The following ZSCAN5A variants were observed in gnomAD, a reference collection of about 807,000 sequenced individuals.
The protein encoded by ZSCAN5A is zinc finger and SCAN domain-containing protein 5A.
In ZSCAN5A, 12 loss-of-function variants were observed where a neutral mutation model predicts 23.7. That is an observed-to-expected ratio of 0.51 (90% CI 0.32 to 0.82). The LOEUF is 0.82. Among genes scored for constraint, ZSCAN5A ranks in the 40% least tolerant of loss-of-function variants. The pLI, the probability that ZSCAN5A is intolerant of heterozygous loss-of-function variation, is 0.03. For synonymous variants in ZSCAN5A, 257 were observed against 239.9 expected (o/e 1.07, Z -0.66); for missense variants, 597 against 617.9 (o/e 0.97, Z 0.36).
chr19:56,268,164 A>T (rs761045456), intron 2 of ZSCAN5A, among the ~76,000 whole-genome samples: 2 of 152,180 alleles, frequency 1.3e-5, no homozygotes, highest in Admixed American at 6.5e-5. Context: ...AGCCCAGGAC[A>T]TGGGTTGTCT....
chr19:56,251,016 G>A (rs1031290681), intron 2 of ZSCAN5A, among the ~76,000 whole-genome samples: 1 of 152,084 alleles, frequency 6.6e-6, no homozygotes. Flanking sequence ...CAGGTGTGGT[G>A]GCATGCACCT....
In ZSCAN5A at chr19:56,230,157, G is replaced by C. The variant is rs555404935; in HGVS notation, c.-127-4984C>G. Among the ~76,000 whole-genome samples the C allele has an allele frequency of 2.2e-3, 328 of 152,146 alleles. 1 individual carries two copies. The highest frequency in any genetic ancestry group is 7.6e-3 in the African/African-American group (317 of 41,490). ...GACAAAGTGTCGCTCTGTCACCCAGGCTCACTGCAACCTCTGCCTCTTGGG... is the reference window on the plus strand; with the variant it reads ...GACAAAGTGTCGCTCTGTCACCCAGCCTCACTGCAACCTCTGCCTCTTGGG... On this transcript the variant is annotated intron_variant, in intron 2 of 5. Transcript: ENST00000683990.
intron 2 of ZSCAN5A, among the ~76,000 whole-genome samples, chr19:56,332,015 T>A (rs1280655183): frequency 6.6e-6 from 1 of 152,198 alleles, no homozygotes; most frequent in Non-Finnish European, 1.5e-5. Context: ...ATTTCTATTT[T>A]TATTGCACTG....
intron 2 of ZSCAN5A, chr19:56,263,684 T>G (rs1315567855): frequency 1.3e-5 from 2 of 152,022 alleles, no homozygotes; most frequent in African/African-American, 2.4e-5. Context: ...CTAAAACATC[T>G]GAAAGAAGGG....
rs957040506 is a variant in ZSCAN5A, at chr19:56,222,131, G to A, written c.935C>T (p.Pro312Leu). Residue 312 changes from proline (P) to leucine (L), a missense_variant, in exon 6 of 6, where the codon CCT becomes CTT. Pro to Leu is a moderately conservative substitution (Grantham distance 98, BLOSUM62 -3). This residue lies in a region of ZSCAN5A where 406 missense variants were observed against 353.2 expected (regional missense o/e 1.15). Coordinates refer to ENST00000683990, the MANE Select transcript of ZSCAN5A (RefSeq NM_001322064.3). ...GCCCACAGGTGTGGCTTCTCCTTGA[G>A]GCTCTTCTTGGGAAATGGAGGAGGC... Reference protein sequence around the residue: ...PDASSISQEEPQGEATPVGNR... With the variant: ...PDASSISQEELQGEATPVGNR... 1 of 1,614,090 alleles carries A rather than the reference G, an allele frequency of 6.2e-7. No individual in the cohort carries two copies. Among genetic ancestry groups the A allele is most frequent in the Non-Finnish European group, 8.5e-7 (1 of 1,180,030 alleles).
intron 2 of ZSCAN5A, among the ~76,000 whole-genome samples, chr19:56,298,760 A>C (rs1180686360): frequency 2.0e-5 from 3 of 152,244 alleles, no homozygotes; most frequent in African/African-American, 7.2e-5. Flanking sequence ...AGTTAGCTTT[A>C]ATAGTGAATT....
At chr19:56,308,329 G>GTTTTTTT (rs1425149184) in intron 2 of ZSCAN5A, among the ~76,000 whole-genome samples, 2 of 135,230 alleles carry the variant, frequency 1.5e-5, no homozygotes, top group Admixed American at 7.1e-5. Context: ...GTGGCTCCCA[G>GTTTTTTT]TCTTTTTTTT....
At chr19:56,292,069 G>A (rs541132291) in intron 2 of ZSCAN5A, among the ~76,000 whole-genome samples, 5 of 152,226 alleles carry the variant, frequency 3.3e-5, no homozygotes, top group East Asian at 1.9e-4. Flanking sequence ...GGTGGGTTAC[G>A]GATCCTGGGC....
intron 2 of ZSCAN5A, chr19:56,320,767 G>C: frequency 8.7e-7 from 1 of 1,147,330 alleles, no homozygotes; most frequent in Non-Finnish European, 1.3e-6. Flanking sequence ...GCCACCTTTT[G>C]CTAGTCACAC....
At chr19:56,252,975 T>G (rs112049520) in intron 2 of ZSCAN5A, among the ~76,000 whole-genome samples, 34 of 152,362 alleles carry the variant, frequency 2.2e-4, no homozygotes, top group African/African-American at 7.7e-4. Flanking sequence ...CTCTTCCTCC[T>G]GGGATATCCC....
At chr19:56,237,230 T>G (rs986313836) in intron 2 of ZSCAN5A, among the ~76,000 whole-genome samples, 2 of 152,254 alleles carry the variant, frequency 1.3e-5, no homozygotes, top group African/African-American at 4.8e-5. Flanking sequence ...TTCAATTCTC[T>G]GTTCAACACG....
rs2036416923 is a variant in ZSCAN5A at position 56,252,512 on chromosome 19, T to C, written c.-127-27339A>G. 2.0e-5 allele frequency among the ~76,000 whole-genome samples: 3 copies of C among 152,096 alleles called. No individual in the cohort carries two copies. The South Asian group carries it at 6.2e-4, about 32-fold the overall frequency. On this transcript the variant is annotated intron_variant, in intron 2 of 5. Transcript: ENST00000683990. The stretch of plus-strand genomic sequence containing the variant: ...GCTTGAGAGGGCAGAGAAAGGAGGC[T>C]GGTTTGGGGTTGGGGTTTTATGGTG...
chr19:56,248,099 T>C (rs996163867), intron 2 of ZSCAN5A, among the ~76,000 whole-genome samples: 5 of 152,222 alleles, frequency 3.3e-5, no homozygotes, highest in African/African-American at 1.2e-4. Context: ...ATTAAAGTTG[T>C]CAAAGTAGGT....
At chr19:56,248,570 C>A (rs987343836) in intron 2 of ZSCAN5A, among the ~76,000 whole-genome samples, 2 of 152,004 alleles carry the variant, frequency 1.3e-5, no homozygotes, top group African/African-American at 4.8e-5. Context: ...TTGTATTAGG[C>A]TTTATTAGTA....
At chr19:56,241,215 A>G (rs1453557492) in intron 2 of ZSCAN5A, among the ~76,000 whole-genome samples, 3 of 152,294 alleles carry the variant, frequency 2.0e-5, no homozygotes, top group Middle Eastern at 6.8e-3. Flanking sequence ...GCTTGCTTTA[A>G]TGGGAAAAGA....
intron 2 of ZSCAN5A, among the ~76,000 whole-genome samples, chr19:56,354,101 G>A (rs1310646607): frequency 6.6e-6 from 1 of 152,188 alleles, no homozygotes; most frequent in Non-Finnish European, 1.5e-5. Context: ...TCATAGAGAG[G>A]GAAAGTAGTG....
chr19:56,354,697 C>G (rs1198397702), intron 2 of ZSCAN5A: 1 of 152,234 alleles, frequency 6.6e-6, no homozygotes, highest in African/African-American at 2.4e-5. Context: ...TTTAGAGAGT[C>G]AGAAGGGCCC....
intron 2 of ZSCAN5A, chr19:56,321,549 T>G: frequency 1.3e-6 from 1 of 751,734 alleles, no homozygotes; most frequent in Non-Finnish European, 2.5e-6. Flanking sequence ...GTGTCTGTCT[T>G]CTTAAGCAAG....
At chr19:56,327,830 CAT>C (rs1276874574) in intron 2 of ZSCAN5A, among the ~76,000 whole-genome samples, 2 of 151,866 alleles carry the variant, frequency 1.3e-5, no homozygotes, top group East Asian at 1.9e-4. Context: ...ATTACATATG[CAT>C]AGTTGTGTGT....
Sources: allele counts gnomAD v4.1 joint callset (sites outside exome capture counted in the v4.1 genomes callset), GRCh38; gene constraint gnomAD v4.1.1; regional missense constraint gnomAD v4.1.1; transcripts MANE v1.5; gene names NCBI Gene and HGNC (gene_info 2026-07-23, HGNC 2026-07-21).